Variants in NLK observed in about 807,000 individuals in gnomAD.
The protein encoded by NLK is serine/threonine-protein kinase NLK.
Under a neutral mutation model 59.0 loss-of-function variants are expected in NLK, and 11 were observed. That is an observed-to-expected ratio of 0.19 (90% confidence interval 0.12 to 0.31). NLK has a LOEUF of 0.31. Ranked by LOEUF, NLK falls within the 10% of genes least tolerant of loss-of-function variation. The pLI is 1.00. For synonymous variants in NLK, 235 were observed against 235.9 expected (o/e 1.00, Z 0.03); for missense variants, 410 against 661.1 (o/e 0.62, Z 4.16).
At chr17:28,131,818 T>C (rs981596468) in intron 2 of NLK, among the ~76,000 whole-genome samples, 3 of 152,182 alleles carry the variant, frequency 2.0e-5, no homozygotes, top group African/African-American at 7.2e-5. Flanking sequence ...AAGTCTTTTT[T>C]CCTCACCCTA....
At chr17:28,076,169 G>A (rs1237906340) in intron 1 of NLK, among the ~76,000 whole-genome samples, 1 of 152,052 alleles carries the variant, frequency 6.6e-6, no homozygotes, top group East Asian at 1.9e-4. Flanking sequence ...TTAAAGAAAA[G>A]GATAATTAAA....
chr17:28,143,805 T>A (rs995282542), intron 3 of NLK, among the ~76,000 whole-genome samples: 28 of 152,240 alleles, frequency 1.8e-4, no homozygotes, highest in Non-Finnish European at 4.0e-4. Flanking sequence ...GATAGTTTTT[T>A]ACATAAGACA....
intron 2 of NLK, among the ~76,000 whole-genome samples, chr17:28,124,725 G>A (rs538632059): frequency 2.6e-5 from 4 of 152,086 alleles, no homozygotes; most frequent in Non-Finnish European, 4.4e-5. Context: ...TATCCATGAC[G>A]AAAAAATATT....
At chr17:28,168,307 G>T in intron 5 of NLK, 141 bp from the exon 6 acceptor site, 1 of 629,790 alleles carries the variant, frequency 1.6e-6, no homozygotes, top group African/African-American at 1.8e-5. Context: ...CTGCACTCCA[G>T]CCTGGGTGAC....
At chr17:28,075,633 T>G (rs1275800421) in intron 1 of NLK, among the ~76,000 whole-genome samples, 1 of 152,200 alleles carries the variant, frequency 6.6e-6, no homozygotes, top group African/African-American at 2.4e-5. Context: ...ACTTAAAAAC[T>G]GTTCTTAAGT....
intron 1 of NLK, among the ~76,000 whole-genome samples, chr17:28,093,008 TG>T (rs990560445): frequency 1.3e-5 from 2 of 152,014 alleles, no homozygotes; most frequent in African/African-American, 4.8e-5. Context: ...TTAACCAGGA[TG>T]GTCTCGATCT....
rs1187850398 is a variant in NLK, at chr17:28,043,107, G to GGCTGCAGCT, written c.237_245dup (p.Ala81_Ala83dup). On this transcript the variant is annotated inframe_insertion, in exon 1 of 11. Coordinates refer to ENST00000407008, the MANE Select transcript of NLK (RefSeq NM_016231.5). ...CGGCAGCTGCGGCAGCCGCAGCAGC[G>GGCTGCAGCT]GCTGCAGCTGCAGCCATGTTAAACC... 1.3e-6 allele frequency: 2 copies of GGCTGCAGCT among 1,589,118 alleles called. No individual in the cohort carries two copies. Among genetic ancestry groups the GGCTGCAGCT allele is most frequent in the Admixed American group, 1.8e-5 (1 of 54,124 alleles).
At chr17:28,188,933 C>CT (rs1478023422) in intron 8 of NLK, among the ~76,000 whole-genome samples, 9 of 151,874 alleles carry the variant, frequency 5.9e-5, no homozygotes, top group Non-Finnish European at 5.9e-5. Flanking sequence ...TTGATTCAGT[C>CT]TAAGAGCAGG....
At chr17:28,192,608 C>T (rs1341910172) in intron 10 of NLK, among the ~76,000 whole-genome samples, 1 of 151,762 alleles carries the variant, frequency 6.6e-6, no homozygotes, top group Non-Finnish European at 1.5e-5. Context: ...GCAGAGGTTG[C>T]GGTGAGCCGA....
At chr17:28,186,609 G>A (rs886692605) in intron 8 of NLK, among the ~76,000 whole-genome samples, 4 of 150,736 alleles carry the variant, frequency 2.7e-5, no homozygotes, top group African/African-American at 1.0e-4. Context: ...AGGTGAGGAG[G>A]AGCAAGTCAT....
At chr17:28,111,861 CGTGTGT>C (rs144479598) in intron 1 of NLK, among the ~76,000 whole-genome samples, 198 of 74,086 alleles carry the variant, frequency 2.7e-3, no homozygotes, top group African/African-American at 9.3e-3. Flanking sequence ...AGGCTTATAC[CGTGTGT>C]GTGTGTGTGT....
intron 1 of NLK, among the ~76,000 whole-genome samples, chr17:28,095,026 C>CT (rs1298574853): frequency 6.6e-6 from 1 of 152,084 alleles, no homozygotes; most frequent in African/African-American, 2.4e-5. Context: ...ATATCTAAGT[C>CT]TTTTTTGGTG....
intron 3 of NLK, among the ~76,000 whole-genome samples, chr17:28,136,765 G>A (rs192170594): frequency 3.3e-5 from 5 of 152,008 alleles, no homozygotes; most frequent in South Asian, 4.2e-4. Flanking sequence ...CACCATGCCC[G>A]GCTAATTTTG....
At chr17:28,164,455 C>G (rs2046256045) in intron 5 of NLK, among the ~76,000 whole-genome samples, 1 of 151,798 alleles carries the variant, frequency 6.6e-6, no homozygotes, top group Non-Finnish European at 1.5e-5. Flanking sequence ...TGTATAGTAG[C>G]CAATTCTTAA....
chr17:28,049,272 A>G (rs999460533), intron 1 of NLK, among the ~76,000 whole-genome samples: 4 of 152,164 alleles, frequency 2.6e-5, no homozygotes, highest in Non-Finnish European at 5.9e-5. Context: ...GGGAGTATAT[A>G]TGGGGATGTC....
In NLK at chr17:28,171,806, T is replaced by C. The variant is rs1488148619; in HGVS notation, c.1048-711T>C. Among the ~76,000 whole-genome samples, 3 of 152,170 alleles carry C rather than the reference T, an allele frequency of 2.0e-5. No individual in the cohort carries two copies. The East Asian group carries it at 5.8e-4, about 29-fold the overall frequency. ...GAGGAGTTCAACTTTGCAAAGATCTTAGATGCTATGGTATCAAGAAAACAG... is the reference window on the plus strand; with the variant it reads ...GAGGAGTTCAACTTTGCAAAGATCTCAGATGCTATGGTATCAAGAAAACAG... On this transcript the variant is annotated intron_variant, in intron 6 of 10. Coordinates refer to ENST00000407008, the MANE Select transcript of NLK (RefSeq NM_016231.5).
At chr17:28,124,385 G>A (rs1906204267) in intron 2 of NLK, among the ~76,000 whole-genome samples, 1 of 151,960 alleles carries the variant, frequency 6.6e-6, no homozygotes, top group Admixed American at 6.6e-5. Flanking sequence ...TAAATTAGCT[G>A]GGTGTGGTGG....
chr17:28,081,193 AC>A (rs1300582494), intron 1 of NLK, among the ~76,000 whole-genome samples: 1 of 150,642 alleles, frequency 6.6e-6, no homozygotes, highest in East Asian at 2.0e-4. Flanking sequence ...CCAGGCCTAG[AC>A]CTGGTTTGTT....
intron 1 of NLK, among the ~76,000 whole-genome samples, chr17:28,060,728 T>C (rs1227069191): frequency 6.6e-6 from 1 of 152,218 alleles, no homozygotes; most frequent in African/African-American, 2.4e-5. Context: ...ATAACACTTT[T>C]AAACTGCTAG....
Sources: allele counts gnomAD v4.1 joint callset (sites outside exome capture counted in the v4.1 genomes callset), GRCh38; gene constraint gnomAD v4.1.1; transcripts MANE v1.5; gene names NCBI Gene and HGNC (gene_info 2026-07-23, HGNC 2026-07-21).